PIP5K1B: variants seen among roughly 807,000 people sequenced by gnomAD.
PIP5K1B encodes the protein phosphatidylinositol-4-phosphate 5-kinase type 1 beta.
PIP5K1B carries 42 observed loss-of-function variants against 67.0 expected under a neutral mutation model. The ratio of observed to expected loss-of-function variants is 0.63; its 90% CI spans 0.49 to 0.81. The LOEUF is 0.81. PIP5K1B is among the 30% of genes least tolerant of loss of function. The pLI, the probability that PIP5K1B is intolerant of heterozygous loss-of-function variation, is 0.00. For synonymous variants in PIP5K1B, 214 were observed against 231.4 expected, an observed-to-expected ratio of 0.92 and a Z score of 0.68; for missense variants, 459 against 646.3, an observed-to-expected ratio of 0.71 and a Z score of 3.14.
At chr9:69,002,459 G>T (rs1352364527) in intron 15 of PIP5K1B, among the ~76,000 whole-genome samples, 1 of 152,098 alleles carries the variant, frequency 6.6e-6, no homozygotes, top group Non-Finnish European at 1.5e-5. Context: ...ACGTGTATTT[G>T]TTTCCATGCC....
intron 8 of PIP5K1B, among the ~76,000 whole-genome samples, chr9:68,913,252 A>C (rs370313851): frequency 6.6e-6 from 1 of 152,336 alleles, no homozygotes; most frequent in East Asian, 1.9e-4. Context: ...CTAGACGGAA[A>C]GGCACCTGTA....
chr9:68,911,734 T>G (rs1825862843), intron 8 of PIP5K1B, among the ~76,000 whole-genome samples: 1 of 151,918 alleles, frequency 6.6e-6, no homozygotes, highest in Non-Finnish European at 1.5e-5. Context: ...CCACAAAAAA[T>G]TAGTCAGGTG....
At chr9:68,969,753 G>T (rs926176643) in intron 14 of PIP5K1B, among the ~76,000 whole-genome samples, 3 of 152,140 alleles carry the variant, frequency 2.0e-5, no homozygotes, top group Non-Finnish European at 4.4e-5. Flanking sequence ...AGAGAGCCCT[G>T]TTCTCATAAG....
intron 14 of PIP5K1B, among the ~76,000 whole-genome samples, chr9:68,963,695 C>A (rs953337291): frequency 2.0e-5 from 3 of 152,134 alleles, no homozygotes; most frequent in Admixed American, 6.5e-5. Context: ...AGATCAGGGA[C>A]CTTTACAATG....
chr9:68,743,041 TTGAA>T (rs887070311), intron 2 of PIP5K1B, among the ~76,000 whole-genome samples: 7 of 152,114 alleles, frequency 4.6e-5, no homozygotes, highest in African/African-American at 1.2e-4. Context: ...CTGTCAGACT[TTGAA>T]TGAACGCACA....
rs538756433 is a variant in PIP5K1B at position 68,884,356 on chromosome 9, CA to C, written c.319-4608del. 6.7e-3 allele frequency among the ~76,000 whole-genome samples: 803 copies of C among 120,510 alleles called. 5 individuals carry two copies. Among genetic ancestry groups the C allele is most frequent in the African/African-American group, 0.015 (495 of 33,594 alleles). 79.1% of individuals were successfully genotyped at this position (120,510 alleles called of 152,430 possible). On this transcript the variant is annotated intron_variant, in intron 6 of 15. Transcript: ENST00000265382. The stretch of plus-strand genomic sequence containing the variant: ...GCAAAGGACCTAACTATACATTCCT[CA>C]AAAAAAAAAAAAAAAAGATACACAG...
Position 68,863,923 on chromosome 9 carries a change from T to C in PIP5K1B, c.156T>C (p.Val52=), listed in dbSNP as rs537899831. ...GNLTSKPERD[V]LMQDFYVVES... is the part of the protein sequence containing the mutation. Reference sequence around the variant, plus strand: ...TCACTTCCAAGCCAGAACGAGATGTTCTTATGCAAGACTTTTATGTGGTGG... The same window carrying C: ...TCACTTCCAAGCCAGAACGAGATGTCCTTATGCAAGACTTTTATGTGGTGG... The change falls in exon 5 of 16, where the codon GTT becomes GTC. Residue 52 remains valine, a synonymous_variant. Coordinates refer to ENST00000265382, the MANE Select transcript of PIP5K1B (RefSeq NM_003558.4). The C allele has an allele frequency of 1.9e-6, 3 of 1,613,982 alleles. No individual in the cohort carries two copies. In the South Asian group the frequency reaches 3.3e-5, roughly 18 times the overall value.
intron 2 of PIP5K1B, among the ~76,000 whole-genome samples, chr9:68,793,418 A>T (rs867656263): frequency 9.8e-5 from 15 of 152,294 alleles, no homozygotes; most frequent in African/African-American, 3.6e-4. Context: ...CCAGCAATCC[A>T]GGTAAGAGAT....
intron 15 of PIP5K1B, among the ~76,000 whole-genome samples, chr9:68,995,560 CT>C (rs1830566541): frequency 6.6e-6 from 1 of 152,130 alleles, no homozygotes; most frequent in South Asian, 2.1e-4. Context: ...AATCCCAGCA[CT>C]TTGGGAGGCC....
At chr9:69,005,132 A>G (rs1367604791) in intron 15 of PIP5K1B, among the ~76,000 whole-genome samples, 1 of 151,958 alleles carries the variant, frequency 6.6e-6, no homozygotes, top group African/African-American at 2.4e-5. Context: ...AAAAAAAACT[A>G]AACTAAACTT....
intron 2 of PIP5K1B, among the ~76,000 whole-genome samples, chr9:68,768,977 T>A (rs1410143865): frequency 6.6e-6 from 1 of 152,232 alleles, no homozygotes; most frequent in Non-Finnish European, 1.5e-5. Context: ...TTTTAAAAAT[T>A]AGCTAGTCGT....
At position 68,903,131 on chromosome 9, in the gene PIP5K1B, G is replaced by A. The variant is rs145563199; in HGVS notation, c.771+8493G>A. 2.2e-3 allele frequency among the ~76,000 whole-genome samples: 334 copies of A among 152,156 alleles called. 8 individuals carry two copies. Among genetic ancestry groups the A allele is most frequent in the East Asian group, 2.1e-3 (11 of 5,180 alleles). ...GTAATTACTTGATTACATGTTTAAC[G>A]TTTGCTACTAAAAATCTGCTCTGTG... On this transcript the variant is annotated intron_variant, in intron 8 of 15. Transcript: ENST00000265382.
intron 14 of PIP5K1B, among the ~76,000 whole-genome samples, chr9:68,973,234 G>A (rs1829478517): frequency 6.6e-6 from 1 of 151,974 alleles, no homozygotes; most frequent in Non-Finnish European, 1.5e-5. Context: ...GACAGAGCGA[G>A]ACTCCATCTC....
At chr9:68,821,092 G>C (rs1408022387) in intron 3 of PIP5K1B, among the ~76,000 whole-genome samples, 1 of 152,064 alleles carries the variant, frequency 6.6e-6, no homozygotes, top group Non-Finnish European at 1.5e-5. Context: ...AGCCTGGGCA[G>C]CATGGCAAAA....
At chr9:68,925,095 C>T (rs1826619668) in intron 12 of PIP5K1B, among the ~76,000 whole-genome samples, 2 of 151,734 alleles carry the variant, frequency 1.3e-5, no homozygotes, top group Non-Finnish European at 2.9e-5. Context: ...AGTTGCAACA[C>T]ATTAAAATTG....
At chr9:68,917,442 A>G (rs2132513663) in intron 8 of PIP5K1B, 106 bp from the exon 9 acceptor site, 1 of 801,188 alleles carries the variant, frequency 1.2e-6, no homozygotes, top group Non-Finnish European at 2.1e-6. Context: ...CGCTGGGAGG[A>G]ATAACAGGAG....
intron 4 of PIP5K1B, among the ~76,000 whole-genome samples, chr9:68,829,765 C>A (rs1454235881): frequency 1.3e-5 from 2 of 152,066 alleles, no homozygotes; most frequent in African/African-American, 4.8e-5. Context: ...TAATATCTAC[C>A]CAAGCTGGCT....
At chr9:68,789,296 C>T (rs968671401) in intron 2 of PIP5K1B, 8 of 410,334 alleles carry the variant, frequency 1.9e-5, no homozygotes, top group Non-Finnish European at 3.3e-5. Flanking sequence ...CGGTAGCCAA[C>T]GAGTCAGCTT....
At chr9:68,880,796 ACCTGGTCC>A (rs1314744512) in intron 6 of PIP5K1B, among the ~76,000 whole-genome samples, 2 of 152,040 alleles carry the variant, frequency 1.3e-5, no homozygotes, top group African/African-American at 4.8e-5. Flanking sequence ...AAACATAACT[ACCTGGTCC>A]CCAACAGCTG....
Sources: allele counts gnomAD v4.1 joint callset (sites outside exome capture counted in the v4.1 genomes callset), GRCh38; gene constraint gnomAD v4.1.1; transcripts MANE v1.5; gene names NCBI Gene and HGNC (gene_info 2026-07-23, HGNC 2026-07-21).